Variants in TG observed in about 807,000 individuals in gnomAD.
The protein encoded by TG is thyroglobulin.
Under a neutral mutation model 324.7 loss-of-function variants are expected in TG, and 270 were observed. That is an observed-to-expected ratio of 0.83 (90% CI 0.75 to 0.92). The LOEUF (loss-of-function observed/expected upper bound fraction) is 0.92, where lower values mean the gene tolerates loss of function less well. Among genes scored for constraint, TG ranks in the 40% least tolerant of loss-of-function variants. TG has a pLI of 0.00. For missense variants in TG, 3,591 were observed against 3,456.4 expected, an observed-to-expected ratio of 1.04 and a Z score of -0.98; for synonymous variants, 1,401 against 1,327.0, an observed-to-expected ratio of 1.06 and a Z score of -1.21.
intron 45 of TG, among the ~76,000 whole-genome samples, chr8:133,123,816 A>G (rs1168648677): frequency 1.3e-5 from 2 of 152,334 alleles, no homozygotes; most frequent in East Asian, 3.9e-4. Context: ...GGGCTCTGCC[A>G]CTTTCTATGT....
chr8:132,929,891 C>G (rs1822444968), intron 23 of TG, among the ~76,000 whole-genome samples: 1 of 152,030 alleles, frequency 6.6e-6, no homozygotes, highest in African/African-American at 2.4e-5. Flanking sequence ...TGCATGCAGG[C>G]TTGTTATATG....
At chr8:132,940,255 C>T (rs896991684) in intron 25 of TG, among the ~76,000 whole-genome samples, 7 of 152,156 alleles carry the variant, frequency 4.6e-5, no homozygotes, top group African/African-American at 1.7e-4. Context: ...GTTCTGTCCA[C>T]CACTCACTGG....
chr8:133,091,540 G>C (rs1847528826), intron 41 of TG, among the ~76,000 whole-genome samples: 1 of 152,112 alleles, frequency 6.6e-6, no homozygotes. Flanking sequence ...AAATGCTGCA[G>C]GGTCCATTTC....
Position 132,935,748 on chromosome 8 carries a change from A to G in TG, c.4933-8A>G. 6.2e-7 allele frequency: 1 copy of G among 1,608,664 alleles called. No homozygotes were observed. ...CAGGATAATAATGCAGCATCTTTCC[A>G]TCTCCAGAAACGAGATGCACTGGGG... On this transcript the variant is annotated splice_polypyrimidine_tract_variant and splice_region_variant and intron_variant, in intron 24 of 47. Coordinates refer to ENST00000220616, the MANE Select transcript of TG (RefSeq NM_003235.5).
chr8:133,047,950 C>G (rs1839764082), intron 41 of TG: 1 of 1,516,524 alleles, frequency 6.6e-7, no homozygotes, highest in Non-Finnish European at 9.1e-7. Flanking sequence ...AGGAGGAAGA[C>G]AGCCATTAGG....
chr8:132,944,945 G>A (rs907443221), intron 26 of TG, among the ~76,000 whole-genome samples: 1 of 152,212 alleles, frequency 6.6e-6, no homozygotes, highest in African/African-American at 2.4e-5. Flanking sequence ...AAGCCTAGAG[G>A]AAGCCGTGGT....
chr8:132,869,681 G>A, intron 2 of TG, 48 bp from the exon 3 acceptor site: 1 of 1,529,022 alleles, frequency 6.5e-7, no homozygotes, highest in Non-Finnish European at 9.1e-7. Flanking sequence ...CCGGCATGTG[G>A]CTTTGGGGGC....
At chr8:133,099,335 C>A (rs932804802) in intron 43 of TG, among the ~76,000 whole-genome samples, 8 of 152,212 alleles carry the variant, frequency 5.3e-5, no homozygotes, top group African/African-American at 1.7e-4. Context: ...AGCCACTGAG[C>A]AGCTTTTGTG....
chr8:132,955,200 A>C (rs904600734), intron 27 of TG, among the ~76,000 whole-genome samples: 8 of 152,084 alleles, frequency 5.3e-5, no homozygotes, highest in African/African-American at 1.9e-4. Flanking sequence ...TTCCCCCCAC[A>C]AGTCACTAGT....
intron 28 of TG, among the ~76,000 whole-genome samples, chr8:132,962,708 G>A (rs183982741): frequency 7.5e-4 from 114 of 152,292 alleles, no homozygotes; most frequent in Admixed American, 1.6e-3. Context: ...CCTACACAGG[G>A]AGTTATAAAC....
intron 40 of TG, among the ~76,000 whole-genome samples, chr8:133,029,476 T>C (rs989096620): frequency 2.2e-4 from 34 of 152,196 alleles, no homozygotes; most frequent in Non-Finnish European, 3.8e-4. Context: ...CCTGAAGCTG[T>C]GCTGCCTCAA....
chr8:132,900,320 C>G lies in TG; in HGVS notation c.3414C>G (p.Gly1138=), dbSNP rs766527699. The G allele has an allele frequency of 6.8e-6, 11 of 1,613,064 alleles. No individual in the cohort carries two copies. Among genetic ancestry groups the G allele is most frequent in the Admixed American group, 3.3e-5 (2 of 59,934 alleles). The part of the protein sequence containing the change: ...DPASGEELRP[G]SSSSAQCPSL... ...CATCAGGAGAAGAGTTGCGGCCTGG[C>G]TCGAGCAGCAGTGCCCAGTGTGAGT... The change falls in exon 15 of 48, where the codon GGC becomes GGG. Residue 1138 remains glycine, a synonymous_variant. Coordinates refer to ENST00000220616, the MANE Select transcript of TG (RefSeq NM_003235.5).
intron 5 of TG, among the ~76,000 whole-genome samples, chr8:132,876,011 A>AT (rs988730503): frequency 8.0e-4 from 121 of 151,004 alleles, no homozygotes; most frequent in African/African-American, 2.6e-3. Flanking sequence ...GCAAAGAGTA[A>AT]TTTTTTTTTT....
At chr8:133,129,312 G>A (rs560019568) in intron 45 of TG, among the ~76,000 whole-genome samples, 1 of 152,336 alleles carries the variant, frequency 6.6e-6, no homozygotes, top group South Asian at 2.1e-4. Flanking sequence ...GCCTTTCTAA[G>A]GTCGCAGACA....
At chr8:133,009,111 CT>C (rs2130873256) in intron 35 of TG, among the ~76,000 whole-genome samples, 1 of 152,332 alleles carries the variant, frequency 6.6e-6, no homozygotes, top group South Asian at 2.1e-4. Context: ...GAAATTCACT[CT>C]TTAATTATAG....
rs771452968 is a variant in TG, at chr8:132,886,724, G to A, written c.1352G>A (p.Arg451Gln). Residue 451 changes from arginine (R) to glutamine (Q), a missense_variant, in exon 9 of 48, where the codon CGA becomes CAA. Transcript: ENST00000220616. ...KEAIRAIFPS[R>Q]GLARLALQFT... ...GCCATCCGAGCAATTTTTCCCTCCC[G>A]AGGGCTGGCTCGTCTTGCCCTTCAG... 1.9e-6 allele frequency: 3 copies of A among 1,614,148 alleles called. No individual in the cohort carries two copies. Among genetic ancestry groups the A allele is most frequent in the South Asian group, 1.1e-5 (1 of 91,080 alleles).
At chr8:133,052,597 C>T (rs564189549) in intron 41 of TG, among the ~76,000 whole-genome samples, 1 of 152,330 alleles carries the variant, frequency 6.6e-6, no homozygotes, top group Admixed American at 6.5e-5. Context: ...AGCTTTGACT[C>T]CACCCCAGTA....
intron 43 of TG, chr8:133,102,794 G>C: frequency 2.0e-6 from 1 of 503,386 alleles, no homozygotes; most frequent in Non-Finnish European, 3.6e-6. Context: ...TCCAAGCACA[G>C]GCATCTCCAA....
intron 5 of TG, among the ~76,000 whole-genome samples, chr8:132,878,741 G>A (rs1210546449): frequency 1.3e-5 from 2 of 151,898 alleles, no homozygotes; most frequent in African/African-American, 2.4e-5. Context: ...AGTTTTCCTT[G>A]CTGCCCACAC....
Sources: allele counts gnomAD v4.1 joint callset (sites outside exome capture counted in the v4.1 genomes callset), GRCh38; gene constraint gnomAD v4.1.1; transcripts MANE v1.5; gene names NCBI Gene and HGNC (gene_info 2026-07-23, HGNC 2026-07-21).